The following LMNTD1 variants were observed in gnomAD, a reference collection of about 807,000 sequenced individuals.
The protein encoded by LMNTD1 is lamin tail domain-containing protein 1.
A neutral mutation model predicts 50.9 loss-of-function variants in LMNTD1; 35 were observed. The ratio of observed to expected loss-of-function variants is 0.69; its 90% CI spans 0.53 to 0.91. LMNTD1 has a LOEUF of 0.91. Among genes scored for constraint, LMNTD1 ranks in the 40% least tolerant of loss-of-function variants. The probability of loss-of-function intolerance (pLI) is 0.00; values close to 1 mark genes in which losing one functional copy is unlikely to be tolerated. For synonymous variants in LMNTD1, 153 were observed against 161.9 expected (o/e 0.94, Z 0.42); for missense variants, 470 against 475.5 (o/e 0.99, Z 0.11).
At chr12:25,520,642 G>A (rs560818496) in intron 6 of LMNTD1, among the ~76,000 whole-genome samples, 1 of 152,282 alleles carries the variant, frequency 6.6e-6, no homozygotes, top group East Asian at 1.9e-4. Context: ...TGGCTATTGT[G>A]AATAATGCTG....
intron 1 of LMNTD1, among the ~76,000 whole-genome samples, chr12:25,614,940 G>A (rs1026361738): frequency 6.6e-6 from 1 of 151,948 alleles, no homozygotes; most frequent in Non-Finnish European, 1.5e-5. Flanking sequence ...GGTTCTAATC[G>A]CCTCTTCTTA....
At chr12:25,576,106 T>A (rs1007809772) in intron 1 of LMNTD1, among the ~76,000 whole-genome samples, 19 of 152,184 alleles carry the variant, frequency 1.2e-4, no homozygotes, top group African/African-American at 4.6e-4. Flanking sequence ...GACATTTGGG[T>A]TGGTTCCAAG....
rs748911878 is a variant in LMNTD1 at position 25,519,884 on chromosome 12, C to T, written c.990G>A (p.Val330=). 1.3e-5 allele frequency: 21 copies of T among 1,610,880 alleles called. No homozygotes were observed. The highest frequency in any genetic ancestry group is 1.6e-5 in the Non-Finnish European group (19 of 1,178,938). Residue 330 remains valine, a synonymous_variant, in exon 7 of 10, where the codon GTG becomes GTA. Coordinates refer to ENST00000458174, the MANE Select transcript of LMNTD1 (RefSeq NM_001145728.2). ...TCTTAAGAAGAACTTGAGCTTGTTC[C>T]ACCTGATAATTTGAGATATCTTTCT... ...QPKKDISNYQ[V]EQAQVLLKRE...
chr12:25,605,884 G>T (rs1322604770), intron 1 of LMNTD1, among the ~76,000 whole-genome samples: 1 of 152,298 alleles, frequency 6.6e-6, no homozygotes, highest in South Asian at 2.1e-4. Flanking sequence ...GTCATTGGTA[G>T]CTTGATGGGG....
At chr12:25,640,518 AT>A (rs1310819426) in intron 1 of LMNTD1, among the ~76,000 whole-genome samples, 4 of 151,600 alleles carry the variant, frequency 2.6e-5, no homozygotes, top group Non-Finnish European at 4.4e-5. Flanking sequence ...AAAAAAAAAA[AT>A]CTAAAATTAT....
chr12:25,507,017 T>A (rs1224471006), intron 8 of LMNTD1, among the ~76,000 whole-genome samples: 1 of 152,164 alleles, frequency 6.6e-6, no homozygotes, highest in South Asian at 2.1e-4. Context: ...GTAGCTGGGA[T>A]TACAGGCATG....
At chr12:25,618,037 TATCTC>T (rs551531692) in intron 1 of LMNTD1, among the ~76,000 whole-genome samples, 24 of 152,194 alleles carry the variant, frequency 1.6e-4, no homozygotes, top group Non-Finnish European at 1.0e-4. Context: ...GACACAAACT[TATCTC>T]ATCTGACCCC....
At chr12:25,636,958 A>C (rs1946848455) in intron 1 of LMNTD1, among the ~76,000 whole-genome samples, 1 of 148,834 alleles carries the variant, frequency 6.7e-6, no homozygotes, top group Non-Finnish European at 1.5e-5. Context: ...AAGGCATAAG[A>C]ATGATACAAT....
intron 9 of LMNTD1, among the ~76,000 whole-genome samples, chr12:25,477,021 C>T (rs36112053): frequency 1.3e-5 from 2 of 152,078 alleles, no homozygotes; most frequent in Non-Finnish European, 2.9e-5. Flanking sequence ...CCCATATTCC[C>T]TCTGTGCCCA....
At chr12:25,626,419 C>G (rs1197959963) in intron 1 of LMNTD1, among the ~76,000 whole-genome samples, 1 of 151,784 alleles carries the variant, frequency 6.6e-6, no homozygotes, top group Non-Finnish European at 1.5e-5. Context: ...AGTGAACAGA[C>G]CATGATTTGA....
At chr12:25,561,034 T>C (rs2136302704) in intron 1 of LMNTD1, among the ~76,000 whole-genome samples, 1 of 152,358 alleles carries the variant, frequency 6.6e-6, no homozygotes, top group East Asian at 1.9e-4. Context: ...TTCTTTCTCT[T>C]GCCCGATTGC....
intron 1 of LMNTD1, among the ~76,000 whole-genome samples, chr12:25,609,364 T>C (rs1946192060): frequency 6.6e-6 from 1 of 152,230 alleles, no homozygotes; most frequent in Non-Finnish European, 1.5e-5. Context: ...TTTGTTCCAT[T>C]GCTCGTGAGG....
intron 1 of LMNTD1, among the ~76,000 whole-genome samples, chr12:25,619,252 C>CTCTCTA (rs1374134268): frequency 1.7e-4 from 14 of 84,444 alleles, no homozygotes; most frequent in East Asian, 1.3e-3. Context: ...CTCTCTCTCT[C>CTCTCTA]TATATATATA....
At chr12:25,607,583 C>A (rs1046663840) in intron 1 of LMNTD1, among the ~76,000 whole-genome samples, 2 of 152,038 alleles carry the variant, frequency 1.3e-5, no homozygotes, top group Non-Finnish European at 2.9e-5. Flanking sequence ...GCCTTCATTT[C>A]TTTATGTACC....
intron 9 of LMNTD1, among the ~76,000 whole-genome samples, chr12:25,489,614 G>A (rs1938818473): frequency 6.6e-6 from 1 of 151,724 alleles, no homozygotes; most frequent in African/African-American, 2.4e-5. Context: ...GGGAGCTGTA[G>A]ACCGGAGCTG....
intron 9 of LMNTD1, among the ~76,000 whole-genome samples, chr12:25,485,058 T>C (rs1364983859): frequency 2.0e-5 from 3 of 151,656 alleles, no homozygotes; most frequent in East Asian, 1.9e-4. Flanking sequence ...TTTCTAGTTC[T>C]AGATCCCTGA....
chr12:25,580,099 CCA>C (rs1173018975), intron 1 of LMNTD1, among the ~76,000 whole-genome samples: 2 of 152,168 alleles, frequency 1.3e-5, no homozygotes, highest in Non-Finnish European at 2.9e-5. Context: ...CTTCCCTATG[CCA>C]CCCAGGCTTT....
At chr12:25,640,147 G>A (rs140784180) in intron 1 of LMNTD1, among the ~76,000 whole-genome samples, 2 of 152,106 alleles carry the variant, frequency 1.3e-5, no homozygotes, top group African/African-American at 2.4e-5. Context: ...AGGTGACTTG[G>A]GGGGAGAGGA....
Position 25,531,145 on chromosome 12 carries a change from G to A in LMNTD1, c.492-4190C>T, listed in dbSNP as rs149963520. On this transcript the variant is annotated intron_variant, in intron 4 of 9. Transcript: ENST00000458174. ...TGAATTTGGCCAACAACCTCAAAGA[G>A]CATGGAAGCAGATTTATTTCAGTGT... is the stretch of plus-strand genomic sequence containing the variant. 4.6e-5 allele frequency among the ~76,000 whole-genome samples: 7 copies of A among 152,296 alleles called. No individual in the cohort carries two copies. The East Asian group carries it at 1.4e-3, about 29-fold the overall frequency.
Sources: allele counts gnomAD v4.1 joint callset (sites outside exome capture counted in the v4.1 genomes callset), GRCh38; gene constraint gnomAD v4.1.1; transcripts MANE v1.5; gene names NCBI Gene and HGNC (gene_info 2026-07-23, HGNC 2026-07-21).